NT5C2: variants seen among roughly 807,000 people sequenced by gnomAD.
NT5C2 encodes 5'-nucleotidase, cytosolic II.
Under a neutral mutation model 76.1 loss-of-function variants are expected in NT5C2, and 58 were observed. The observed-to-expected ratio is 0.76, with a 90% CI of 0.62 to 0.95. The LOEUF is 0.95. Ranked by LOEUF, NT5C2 falls within the 40% of genes least tolerant of loss-of-function variation. NT5C2 has a pLI of 0.00. For synonymous variants in NT5C2, 229 were observed against 237.4 expected (o/e 0.96, Z 0.32); for missense variants, 478 against 690.3 (o/e 0.69, Z 3.45).
At chr10:103,183,883 AT>A (rs2091656768) in intron 1 of NT5C2, among the ~76,000 whole-genome samples, 1 of 152,050 alleles carries the variant, frequency 6.6e-6, no homozygotes, top group Non-Finnish European at 1.5e-5. Flanking sequence ...AAACTGTTGC[AT>A]TTAAATTATC....
chr10:103,133,283 TTG>T (rs1565123581), intron 4 of NT5C2, among the ~76,000 whole-genome samples: 2 of 152,200 alleles, frequency 1.3e-5, no homozygotes, highest in Non-Finnish European at 2.9e-5. Context: ...CTTTTTTTTT[TTG>T]AAATGGAGTT....
At chr10:103,158,805 G>A (rs1177569941) in intron 3 of NT5C2, among the ~76,000 whole-genome samples, 4 of 144,128 alleles carry the variant, frequency 2.8e-5, no homozygotes, top group African/African-American at 5.2e-5. Flanking sequence ...GTGACAGAGC[G>A]AGACTCTTAT....
intron 4 of NT5C2, among the ~76,000 whole-genome samples, chr10:103,110,759 G>A (rs1344959858): frequency 6.6e-6 from 1 of 152,108 alleles, no homozygotes; most frequent in Non-Finnish European, 1.5e-5. Context: ...GATTTTCCCA[G>A]ATAATCATTT....
Position 103,088,796 on chromosome 10 carries a change from T to G in NT5C2, c.*876A>C, listed in dbSNP as rs747702104. 1 of 185,840 alleles carries G rather than the reference T, an allele frequency of 5.4e-6. No individual in the cohort carries two copies. Among genetic ancestry groups the G allele is most frequent in the Non-Finnish European group, 1.1e-5 (1 of 87,816 alleles). 11.5% of individuals were successfully genotyped at this position (185,840 alleles called of 1,614,324 possible). On this transcript the variant is annotated 3_prime_UTR_variant, in exon 19 of 19. Transcript: ENST00000404739. ...CATCCTCTGATGTTCAATTTTAATA[T>G]ACAGCAATCAACTCTTAGAGGACAA...
intron 1 of NT5C2, among the ~76,000 whole-genome samples, chr10:103,190,971 C>G (rs930649100): frequency 1.3e-5 from 2 of 152,134 alleles, no homozygotes; most frequent in African/African-American, 4.8e-5. Flanking sequence ...AGCAAGTGTA[C>G]TAGATAAAAA....
At chr10:103,123,864 A>G (rs1292576739) in intron 4 of NT5C2, among the ~76,000 whole-genome samples, 1 of 152,140 alleles carries the variant, frequency 6.6e-6, no homozygotes, top group East Asian at 1.9e-4. Flanking sequence ...GGAAAAAAAA[A>G]GTCATTATGA....
intron 3 of NT5C2, chr10:103,153,689 C>T: frequency 1.0e-6 from 1 of 985,354 alleles, no homozygotes; most frequent in Non-Finnish European, 1.2e-6. Context: ...AGTACGCAAA[C>T]AATGTGAGTT....
intron 4 of NT5C2, among the ~76,000 whole-genome samples, chr10:103,124,209 G>A (rs893497265): frequency 7.4e-6 from 1 of 135,098 alleles, no homozygotes; most frequent in Non-Finnish European, 1.7e-5. Context: ...CTGTCATAAA[G>A]AATTTTTTTT....
At chr10:103,174,827 G>T in intron 3 of NT5C2, 31 bp downstream of exon 3, 1 of 1,421,928 alleles carries the variant, frequency 7.0e-7, no homozygotes, top group Non-Finnish European at 9.9e-7. Flanking sequence ...TCATAGAGGG[G>T]TTTTGAGGAT....
intron 3 of NT5C2, among the ~76,000 whole-genome samples, chr10:103,174,062 T>A (rs2089114207): frequency 6.9e-6 from 1 of 144,716 alleles, no homozygotes; most frequent in Admixed American, 6.9e-5. Flanking sequence ...TGCCACTGCA[T>A]TCCAGCCTAG....
chr10:103,156,064 G>A (rs2133908936), intron 3 of NT5C2, among the ~76,000 whole-genome samples: 1 of 152,210 alleles, frequency 6.6e-6, no homozygotes, highest in South Asian at 2.1e-4. Flanking sequence ...TACTTGGGAG[G>A]CTGAGGTGTG....
At chr10:103,092,366 C>T (rs2067150573) in intron 15 of NT5C2, among the ~76,000 whole-genome samples, 1 of 152,216 alleles carries the variant, frequency 6.6e-6, no homozygotes, top group South Asian at 2.1e-4. Context: ...TCATGTCTAT[C>T]TTTATACACA....
At chr10:103,186,471 T>C (rs2092022836) in intron 1 of NT5C2, among the ~76,000 whole-genome samples, 2 of 152,224 alleles carry the variant, frequency 1.3e-5, no homozygotes, top group Non-Finnish European at 2.9e-5. Context: ...ATTTATCACG[T>C]CAATTAAAGT....
intron 4 of NT5C2, among the ~76,000 whole-genome samples, chr10:103,129,929 G>A (rs1177441034): frequency 3.3e-5 from 3 of 91,598 alleles, no homozygotes; most frequent in African/African-American, 1.1e-4. Context: ...GGAGGGAGGT[G>A]GGGGGGGTCA....
Position 103,093,169 on chromosome 10 carries a change from G to A in NT5C2, c.1129C>T (p.Gln377Ter), listed in dbSNP as rs773287742. ...RTFLVIPELA[Q>*]ELHVWTDKSS... is the part of the protein sequence containing the mutation. Reference sequence around the variant, plus strand: ...TTGTCAGTCCAGACATGTAGCTCCTGTGCGAGTTCAGGAATCACCAAAAAA... The same window carrying A: ...TTGTCAGTCCAGACATGTAGCTCCTATGCGAGTTCAGGAATCACCAAAAAA... Residue 377 changes from glutamine to a stop codon, truncating the protein, a stop_gained, in exon 15 of 19, where the codon CAG becomes TAG. Transcript: ENST00000404739. LOFTEE classifies it high-confidence loss of function. 1 of 1,609,822 alleles carries A rather than the reference G, an allele frequency of 6.2e-7. No individual in the cohort carries two copies. Among genetic ancestry groups the A allele is most frequent in the Non-Finnish European group, 8.5e-7 (1 of 1,178,346 alleles).
At chr10:103,120,893 TC>T (rs1310308014) in intron 4 of NT5C2, among the ~76,000 whole-genome samples, 14 of 152,188 alleles carry the variant, frequency 9.2e-5, no homozygotes, top group East Asian at 7.7e-4. Context: ...GTGGAGACAA[TC>T]CCCATGTCCA....
At chr10:103,182,997 A>C (rs925241267) in intron 1 of NT5C2, among the ~76,000 whole-genome samples, 1 of 152,022 alleles carries the variant, frequency 6.6e-6, no homozygotes, top group African/African-American at 2.4e-5. Flanking sequence ...TATTGTGCTT[A>C]AGGGCCTCTC....
chr10:103,098,854 TA>T, intron 10 of NT5C2, 76 bp downstream of exon 10: 1 of 1,013,490 alleles, frequency 9.9e-7, no homozygotes. Context: ...CATTTCATTA[TA>T]AATCAGCTTG....
intron 3 of NT5C2, chr10:103,153,774 A>G: frequency 3.1e-6 from 3 of 979,288 alleles, no homozygotes; most frequent in Non-Finnish European, 2.4e-6. Context: ...CAGGATAAAT[A>G]ATTTTATGTT....
Sources: gnomAD v4.1 joint callset for allele counts (sites outside exome capture counted in the v4.1 genomes callset) on GRCh38, gnomAD v4.1.1 for gene constraint, MANE v1.5 for transcripts, NCBI Gene and HGNC (gene_info 2026-07-23, HGNC 2026-07-21) for gene names.